The following PXDN variants were observed in gnomAD, a reference collection of about 807,000 sequenced individuals.
PXDN encodes peroxidasin homolog.
In PXDN, 77 loss-of-function variants were observed where a neutral mutation model predicts 140.3. The observed-to-expected ratio is 0.55, with a 90% confidence interval of 0.46 to 0.66. The LOEUF (loss-of-function observed/expected upper bound fraction) is 0.66, where lower values mean the gene tolerates loss of function less well. PXDN is among the 30% of genes least tolerant of loss of function. The pLI is 0.00. For synonymous variants in PXDN, 911 were observed against 857.4 expected, an observed-to-expected ratio of 1.06 and a Z score of -1.09; for missense variants, 1,838 against 2,039.5, an observed-to-expected ratio of 0.90 and a Z score of 1.90.
rs1682895629 is a variant in PXDN at position 1,648,090 on chromosome 2, A to T, written c.3608+82T>A. The stretch of plus-strand genomic sequence containing the variant: ...CGACACGAACAAAACTCACACACAG[A>T]GACAAATAACACACACACCACAGTT... On this transcript the variant is annotated intron_variant, in intron 17 of 22. Transcript: ENST00000252804. The surrounding 1 kb of genome is among the most constrained non-coding windows in gnomAD (Gnocchi z 8.9). 6.6e-7 allele frequency: 1 copy of T among 1,508,602 alleles called. No homozygotes were observed. Among genetic ancestry groups the T allele is most frequent in the South Asian group, 1.3e-5 (1 of 78,284 alleles). The allele number at this position is 1,508,602 out of a possible 1,614,324, so 93.5% of individuals were successfully genotyped here. A position where few individuals can be genotyped will look rare whatever the true frequency, so the allele number is the denominator to read the frequency against.
At chr2:1,701,562 C>A (rs182668063) in intron 1 of PXDN, among the ~76,000 whole-genome samples, 2 of 150,788 alleles carry the variant, frequency 1.3e-5, no homozygotes, top group Admixed American at 6.6e-5. Flanking sequence ...ACTTCCCCTG[C>A]GGGTGAAGGG....
At chr2:1,644,071 CAAAAA>C (rs74164529) in intron 18 of PXDN, among the ~76,000 whole-genome samples, 2 of 38,440 alleles carry the variant, frequency 5.2e-5, no homozygotes, top group African/African-American at 2.4e-4. Flanking sequence ...GACTCTGTCT[CAAAAA>C]AAAAAAAAAA....
chr2:1,653,915 C>T, intron 15 of PXDN, 130 bp from the exon 16 acceptor site: 1 of 1,128,572 alleles, frequency 8.9e-7, no homozygotes, highest in Non-Finnish European at 1.2e-6. Context: ...ATGTACTATA[C>T]CTTCCTCATC....
At chr2:1,640,154 G>A (rs111806524) in intron 19 of PXDN, among the ~76,000 whole-genome samples, 15 of 146,554 alleles carry the variant, frequency 1.0e-4, no homozygotes, top group South Asian at 2.2e-4. Context: ...CCTCAGTGCC[G>A]TGTCCCTCCT....
intron 7 of PXDN, among the ~76,000 whole-genome samples, chr2:1,679,735 G>A (rs541815186): frequency 4.0e-5 from 6 of 150,428 alleles, no homozygotes; most frequent in Admixed American, 6.6e-5. Flanking sequence ...GTGTGTGGAT[G>A]GTGTGTGCGT....
intron 21 of PXDN, among the ~76,000 whole-genome samples, chr2:1,638,645 G>A (rs1214153441): frequency 6.6e-6 from 1 of 152,170 alleles, no homozygotes; most frequent in Non-Finnish European, 1.5e-5. Context: ...CCATCTGCTG[G>A]GAAACCCAGG....
At chr2:1,665,925 ACT>A (rs1009961174) in intron 10 of PXDN, among the ~76,000 whole-genome samples, 53 of 151,252 alleles carry the variant, frequency 3.5e-4, no homozygotes, top group African/African-American at 1.2e-3. Context: ...ACACACACAC[ACT>A]CTCTCTCTCA....
At chr2:1,654,310 T>A in intron 15 of PXDN, 90 bp downstream of exon 15, 1 of 863,416 alleles carries the variant, frequency 1.2e-6, no homozygotes, top group East Asian at 2.6e-5. Flanking sequence ...AAAATTCATA[T>A]ATTAGAACTG....
chr2:1,731,410 G>A (rs868389497), intron 1 of PXDN, among the ~76,000 whole-genome samples: 3 of 152,074 alleles, frequency 2.0e-5, no homozygotes, highest in Non-Finnish European at 2.9e-5. Context: ...TCTCCAGTGC[G>A]CTGGGAGCAG....
In PXDN at chr2:1,663,704, A is replaced by G. The variant is rs1683362999; in HGVS notation, c.1468T>C (p.Ser490Pro). Residue 490 changes from serine (S) to proline (P), a missense_variant, in exon 12 of 23, where the codon TCT (serine) becomes CCT (proline). Physicochemically the swap from Ser to Pro is moderately conservative, Grantham distance 74 (BLOSUM62 -1). Coordinates refer to ENST00000252804, the MANE Select transcript of PXDN (RefSeq NM_012293.3). ...LVLSSGTLRI[S>P]GVALHDQGQY... ...CCCTGGTCGTGGAGGGCAACACCAG[A>G]GATTCTAAGTGTTCCCGATGACAGG... 3 of 1,613,736 alleles carry G rather than the reference A, an allele frequency of 1.9e-6. No homozygotes were observed. In the African/African-American group the frequency reaches 4.0e-5, roughly 22 times the overall value.
At chr2:1,673,175 A>C (rs1236450944) in intron 9 of PXDN, among the ~76,000 whole-genome samples, 31 of 152,236 alleles carry the variant, frequency 2.0e-4, no homozygotes. Flanking sequence ...TAAATGTTTT[A>C]AATTTAGGTG....
At chr2:1,642,031 A>C (rs1682738830) in intron 19 of PXDN, among the ~76,000 whole-genome samples, 1 of 152,212 alleles carries the variant, frequency 6.6e-6, no homozygotes, top group African/African-American at 2.4e-5. Context: ...CAAAAAACAG[A>C]TATAAGTTTC....
chr2:1,736,549 A>G (rs1685428100), intron 1 of PXDN, among the ~76,000 whole-genome samples: 1 of 152,180 alleles, frequency 6.6e-6, no homozygotes, highest in African/African-American at 2.4e-5. Flanking sequence ...AGCCAGCCAC[A>G]TGGCTCACAG....
In PXDN at chr2:1,660,979, G is replaced by A; in HGVS notation, c.1739C>T (p.Thr580Ile). ...GTCTGCAGGGCCAACGTCATTGATG[G>A]TCAAGAATCCTTCAGGGCTGATGTG... ...KFHISPEGFL[T>I]INDVGPADAG... The change falls in exon 14 of 23, where the codon ACC (threonine) becomes ATC (isoleucine). Residue 580 changes from threonine (T) to isoleucine (I), a missense_variant. Physicochemically the swap from Thr to Ile is moderately conservative, Grantham distance 89. Transcript: ENST00000252804. The surrounding 1 kb of genome is among the most constrained non-coding windows in gnomAD (Gnocchi z 4.6). The A allele has an allele frequency of 6.2e-7, 1 of 1,614,002 alleles. No homozygotes were observed. Among genetic ancestry groups the A allele is most frequent in the Middle Eastern group, 1.6e-4 (1 of 6,062 alleles).
chr2:1,706,574 T>C (rs78610479), intron 1 of PXDN, among the ~76,000 whole-genome samples: 4,195 of 53,208 alleles, frequency 0.079, 38 homozygotes, highest in African/African-American at 0.13. Context: ...TAATACAATC[T>C]GAGAGCACGC....
intron 15 of PXDN, chr2:1,654,100 C>T (rs1038442629): frequency 8.3e-6 from 4 of 479,178 alleles, no homozygotes; most frequent in Non-Finnish European, 1.5e-5. Context: ...GACTTTTAAA[C>T]TATTTGTTTT....
At chr2:1,704,711 T>A (rs1258648572) in intron 1 of PXDN, among the ~76,000 whole-genome samples, 1 of 151,532 alleles carries the variant, frequency 6.6e-6, no homozygotes, top group Non-Finnish European at 1.5e-5. Flanking sequence ...CACAGGTAGA[T>A]AAGAGACAAA....
intron 1 of PXDN, among the ~76,000 whole-genome samples, chr2:1,726,199 C>A (rs1241092994): frequency 6.6e-6 from 1 of 151,606 alleles, no homozygotes; most frequent in Non-Finnish European, 1.5e-5. Flanking sequence ...CAATGATAGA[C>A]TGGATTAAGA....
At chr2:1,696,301 A>G (rs1362062152) in intron 1 of PXDN, among the ~76,000 whole-genome samples, 1 of 152,194 alleles carries the variant, frequency 6.6e-6, no homozygotes, top group Admixed American at 6.5e-5. Flanking sequence ...GGTCTAGGTT[A>G]AGGGGATCAT....
Sources: gnomAD v4.1 joint callset for allele counts (sites outside exome capture counted in the v4.1 genomes callset) on GRCh38, gnomAD v4.1.1 for gene constraint, Gnocchi (gnomAD v3.1) non-coding constraint, MANE v1.5 for transcripts, NCBI Gene and HGNC (gene_info 2026-07-23, HGNC 2026-07-21) for gene names.